Variants in FNIP1 observed in about 807,000 individuals in gnomAD.
FNIP1 encodes folliculin interacting protein 1.
Under a neutral mutation model 124.5 loss-of-function variants are expected in FNIP1, and 40 were observed. The ratio of observed to expected loss-of-function variants is 0.32; its 90% CI spans 0.25 to 0.42. The LOEUF (loss-of-function observed/expected upper bound fraction) is 0.42, where lower values mean the gene tolerates loss of function less well. Ranked by LOEUF, FNIP1 falls within the 10% of genes least tolerant of loss-of-function variation. The pLI is 1.00. For synonymous variants in FNIP1, 472 were observed against 470.6 expected, an observed-to-expected ratio of 1.00 and a Z score of -0.04; for missense variants, 1,176 against 1,403.7, an observed-to-expected ratio of 0.84 and a Z score of 2.59.
rs1770613137 is a variant in FNIP1 at position 131,744,601 on chromosome 5, G to C, written c.182C>G (p.Ser61Cys). 1 of 1,609,460 alleles carries C rather than the reference G, an allele frequency of 6.2e-7. No individual in the cohort carries two copies. The highest frequency in any genetic ancestry group is 8.5e-7 in the Non-Finnish European group (1 of 1,177,744). Residue 61 changes from serine to cysteine, a missense_variant, in exon 2 of 18, where the codon TCC becomes TGC. Transcript: ENST00000510461. ...ERRGRNVLFD[S>C]SVKRRNEDIS... is the part of the protein sequence containing the mutation. ...GTCCTCATTTCTTCTCTTAACACTGGAGTCAAACAAAACATTTCTCCCTCG... is the reference window on the plus strand; with the variant it reads ...GTCCTCATTTCTTCTCTTAACACTGCAGTCAAACAAAACATTTCTCCCTCG...
intron 15 of FNIP1, among the ~76,000 whole-genome samples, chr5:131,663,563 C>T (rs1042490557): frequency 1.3e-5 from 2 of 152,182 alleles, no homozygotes; most frequent in African/African-American, 4.8e-5. Flanking sequence ...AAAATGTCTT[C>T]AAAGTTTATA....
At chr5:131,793,299 T>G (rs1290342628) in intron 1 of FNIP1, among the ~76,000 whole-genome samples, 1 of 152,172 alleles carries the variant, frequency 6.6e-6, no homozygotes, top group East Asian at 1.9e-4. Context: ...CCTCCCAAAG[T>G]GCTGGGATTA....
Position 131,716,671 on chromosome 5 carries a change from A to T in FNIP1, c.531-15T>A, listed in dbSNP as rs1769476353. On this transcript the variant is annotated splice_polypyrimidine_tract_variant and intron_variant, in intron 5 of 17. Transcript: ENST00000510461. ...TATCTTGTAGCCTATGGAGGGTGAG[A>T]AGAAAATTAATTCCAAATTCATTTT... is the stretch of plus-strand genomic sequence containing the variant. 2.0e-6 allele frequency: 3 copies of T among 1,486,094 alleles called. No individual in the cohort carries two copies. Among genetic ancestry groups the T allele is most frequent in the Non-Finnish European group, 2.7e-6 (3 of 1,091,982 alleles). 92.1% of individuals were successfully genotyped at this position (1,486,094 alleles called of 1,614,324 possible). A position where few individuals can be genotyped will look rare whatever the true frequency, so the allele number is the denominator to read the frequency against.
chr5:131,782,678 C>T (rs1350786044), intron 1 of FNIP1, among the ~76,000 whole-genome samples: 2 of 152,104 alleles, frequency 1.3e-5, no homozygotes, highest in African/African-American at 4.8e-5. Context: ...CCAGAATATC[C>T]ATGATTCATG....
In FNIP1 at chr5:131,684,178, A is replaced by G. The variant is rs146264050; in HGVS notation, c.1203-5003T>C. 2.8e-4 allele frequency among the ~76,000 whole-genome samples: 42 copies of G among 152,364 alleles called. No individual in the cohort carries two copies. In the East Asian group the frequency reaches 6.0e-3, roughly 22 times the overall value. On this transcript the variant is annotated intron_variant, in intron 11 of 17. Transcript: ENST00000510461. ...GGCACTAAATAAATGTCAAAAAAGT[A>G]TATTTGTTAACAGTATGAGAATTAA...
At position 131,716,666 on chromosome 5, in the gene FNIP1, G is replaced by A. The variant is rs764762190; in HGVS notation, c.531-10C>T. 5 of 1,522,364 alleles carry A rather than the reference G, an allele frequency of 3.3e-6. No individual in the cohort carries two copies. Among genetic ancestry groups the A allele is most frequent in the South Asian group, 2.5e-5 (2 of 80,744 alleles). The allele number at this position is 1,522,364 out of a possible 1,614,324, so 94.3% of individuals were successfully genotyped here. On this transcript the variant is annotated splice_polypyrimidine_tract_variant and intron_variant, in intron 5 of 17. Transcript: ENST00000510461. ...AAGACTATCTTGTAGCCTATGGAGGGTGAGAAGAAAATTAATTCCAAATTC... is the reference window on the plus strand; with the variant it reads ...AAGACTATCTTGTAGCCTATGGAGGATGAGAAGAAAATTAATTCCAAATTC...
intron 6 of FNIP1, among the ~76,000 whole-genome samples, chr5:131,715,696 G>A (rs184896020): frequency 5.3e-5 from 8 of 152,134 alleles, no homozygotes; most frequent in African/African-American, 1.9e-4. Context: ...TAAAGTATAT[G>A]CCTAACACTA....
Position 131,671,573 on chromosome 5 carries a change from T to C in FNIP1, c.2871A>G (p.Arg957=), listed in dbSNP as rs768221411. Residue 957 remains arginine (R), a synonymous_variant, in exon 14 of 18, where the codon AGA becomes AGG. Transcript: ENST00000510461. ...ESEDTGHDMT[R]QVSSYYGGEQ... ...CTCCTCCATAATAACTGCTAACTTG[T>C]CTAGTCATATCATGACCTGTATCTT... 5 of 1,613,724 alleles carry C rather than the reference T, an allele frequency of 3.1e-6. No homozygotes were observed. Among genetic ancestry groups the C allele is most frequent in the Non-Finnish European group, 4.2e-6 (5 of 1,180,002 alleles).
chr5:131,709,040 G>GA (rs1459980422), intron 8 of FNIP1, among the ~76,000 whole-genome samples, 161 bp downstream of exon 8: 1 of 151,978 alleles, frequency 6.6e-6, no homozygotes, highest in African/African-American at 2.4e-5. Context: ...AAGTAAACAT[G>GA]AAAAATATTA....
At chr5:131,750,903 AT>A (rs1770853258) in intron 1 of FNIP1, among the ~76,000 whole-genome samples, 1 of 152,152 alleles carries the variant, frequency 6.6e-6, no homozygotes, top group Non-Finnish European at 1.5e-5. Context: ...CAATACATTC[AT>A]TTTTTAAAAG....
intron 11 of FNIP1, among the ~76,000 whole-genome samples, chr5:131,686,927 T>C (rs1768294635): frequency 6.6e-6 from 1 of 151,130 alleles, no homozygotes; most frequent in Non-Finnish European, 1.5e-5. Flanking sequence ...GCTAGCCCCA[T>C]ACCTACTAAA....
intron 11 of FNIP1, among the ~76,000 whole-genome samples, chr5:131,682,446 C>T (rs1201224231): frequency 2.0e-5 from 3 of 151,864 alleles, no homozygotes; most frequent in African/African-American, 4.8e-5. Flanking sequence ...TGGCCAGGTG[C>T]GGTGGCTCAC....
At chr5:131,782,346 C>T (rs572314379) in intron 1 of FNIP1, among the ~76,000 whole-genome samples, 2 of 152,052 alleles carry the variant, frequency 1.3e-5, no homozygotes, top group Middle Eastern at 3.4e-3. Context: ...CCCAGGAGTT[C>T]GAGACCAACC....
chr5:131,790,415 G>T (rs998262615), intron 1 of FNIP1, among the ~76,000 whole-genome samples: 4 of 144,700 alleles, frequency 2.8e-5, no homozygotes, highest in African/African-American at 1.0e-4. Context: ...GGAGGCGGAG[G>T]TTGCAGTGAC....
intron 1 of FNIP1, among the ~76,000 whole-genome samples, chr5:131,778,312 A>C (rs910778560): frequency 1.3e-5 from 2 of 152,232 alleles, no homozygotes; most frequent in Non-Finnish European, 2.9e-5. Flanking sequence ...AATTTAAAGA[A>C]AGTAATGTAG....
intron 7 of FNIP1, 127 bp from the exon 8 acceptor site, chr5:131,709,399 G>T (rs1435532550): frequency 2.7e-6 from 2 of 732,436 alleles, no homozygotes; most frequent in Middle Eastern, 2.6e-4. Flanking sequence ...TCAATAGCAT[G>T]GCACCAACCC....
At chr5:131,738,437 A>G (rs1200008677) in intron 2 of FNIP1, among the ~76,000 whole-genome samples, 1 of 152,078 alleles carries the variant, frequency 6.6e-6, no homozygotes. Context: ...TTGAAAAAAA[A>G]TTGGCTGTCA....
chr5:131,669,346 G>A (rs987434987), intron 15 of FNIP1, among the ~76,000 whole-genome samples: 1 of 152,064 alleles, frequency 6.6e-6, no homozygotes, highest in Non-Finnish European at 1.5e-5. Flanking sequence ...ATATTATCCT[G>A]ATATCAGAGC....
chr5:131,699,323 C>T (rs1282168685), intron 10 of FNIP1, among the ~76,000 whole-genome samples: 1 of 151,084 alleles, frequency 6.6e-6, no homozygotes, highest in Non-Finnish European at 1.5e-5. Flanking sequence ...CAGAACAAGA[C>T]ATAATGATAA....
Sources: allele counts gnomAD v4.1 joint callset (sites outside exome capture counted in the v4.1 genomes callset), GRCh38; gene constraint gnomAD v4.1.1; transcripts MANE v1.5; gene names NCBI Gene and HGNC (gene_info 2026-07-23, HGNC 2026-07-21).